Variants in LRRTM4 observed in about 807,000 individuals in gnomAD.
The protein encoded by LRRTM4 is leucine-rich repeat transmembrane neuronal protein 4.
Under a neutral mutation model 47.6 loss-of-function variants are expected in LRRTM4, and 25 were observed. That is an observed-to-expected ratio of 0.53 (90% CI 0.38 to 0.73). The LOEUF is 0.73. Ranked by LOEUF, LRRTM4 falls within the 30% of genes least tolerant of loss-of-function variation. The pLI is 0.00. For missense variants in LRRTM4, 638 were observed against 713.4 expected (o/e 0.89, Z 1.20); for synonymous variants, 311 against 269.5 (o/e 1.15, Z -1.51).
In LRRTM4 at chr2:77,206,170, C is replaced by G. The variant is rs562281204; in HGVS notation, c.1551+312148G>C. Among the ~76,000 whole-genome samples the G allele has an allele frequency of 5.6e-5, 8 of 143,144 alleles. No homozygotes were observed. The South Asian group carries it at 1.8e-3, about 32-fold the overall frequency. The allele number at this position is 143,144 out of a possible 152,430, so 93.9% of individuals were successfully genotyped here. On this transcript the variant is annotated intron_variant, in intron 3 of 3. Transcript: ENST00000409884. ...CTTCTTTGCCAATACACTGTAATTT[C>G]AAAATTCTATTTTTTTTTTTTTTTT...
At chr2:76,936,442 G>C (rs566932506) in intron 3 of LRRTM4, among the ~76,000 whole-genome samples, 6 of 151,804 alleles carry the variant, frequency 4.0e-5, no homozygotes, top group African/African-American at 1.5e-4. Context: ...TGTTGAGGGT[G>C]GGGGGTTAGG....
intron 3 of LRRTM4, among the ~76,000 whole-genome samples, chr2:77,315,550 A>G (rs1414224304): frequency 6.6e-6 from 1 of 152,194 alleles, no homozygotes; most frequent in African/African-American, 2.4e-5. Context: ...AATTATGAGC[A>G]TTAATTTATT....
intron 3 of LRRTM4, among the ~76,000 whole-genome samples, chr2:76,798,387 G>A (rs1675471844): frequency 6.6e-6 from 1 of 151,764 alleles, no homozygotes; most frequent in East Asian, 1.9e-4. Flanking sequence ...AAATAAGGAT[G>A]TTCTTTGAAA....
chr2:76,772,251 G>A (rs1673744521), intron 3 of LRRTM4, among the ~76,000 whole-genome samples: 1 of 152,108 alleles, frequency 6.6e-6, no homozygotes, highest in African/African-American at 2.4e-5. Flanking sequence ...TGAACCAAGA[G>A]GGAGGACATC....
Position 77,519,451 on chromosome 2 carries a change from G to T in LRRTM4, c.418C>A (p.Leu140Ile), listed in dbSNP as rs745331273. The change falls in exon 3 of 4, where the codon CTC becomes ATC. Residue 140 changes from leucine (L) to isoleucine (I), a missense_variant. Transcript: ENST00000409884. The surrounding 1 kb of genome is among the most constrained non-coding windows in gnomAD (Gnocchi z 4.6). ...HPVPNLRNLDLSYNKLQTLQS... is the reference protein window; with the variant it reads ...HPVPNLRNLDISYNKLQTLQS... ...AATGTCTGAAGCTTATTGTAGGAGA[G>T]GTCCAGATTGCGGAGATTGGGAACT... The T allele has an allele frequency of 1.9e-6, 3 of 1,613,450 alleles. No individual in the cohort carries two copies. The highest frequency in any genetic ancestry group is 2.5e-6 in the Non-Finnish European group (3 of 1,179,644).
chr2:76,796,912 AG>A (rs1208976237), intron 3 of LRRTM4, among the ~76,000 whole-genome samples: 1 of 152,132 alleles, frequency 6.6e-6, no homozygotes, highest in African/African-American at 2.4e-5. Context: ...GGAAGTTTAG[AG>A]AAAAAAGAAT....
At chr2:77,349,870 T>C (rs1036819173) in intron 3 of LRRTM4, among the ~76,000 whole-genome samples, 15 of 152,140 alleles carry the variant, frequency 9.9e-5, no homozygotes, top group Admixed American at 9.8e-4. Context: ...GCTAGCTAGT[T>C]AGCTAGCTAG....
chr2:77,500,518 T>C lies in LRRTM4; in HGVS notation c.1551+17800A>G, dbSNP rs116227404. 6.7e-3 allele frequency among the ~76,000 whole-genome samples: 1,014 copies of C among 151,778 alleles called. 9 individuals carry two copies. The highest frequency in any genetic ancestry group is 0.023 in the African/African-American group (958 of 41,494). On this transcript the variant is annotated intron_variant, in intron 3 of 3. Coordinates refer to ENST00000409884, the MANE Select transcript of LRRTM4 (RefSeq NM_001134745.3). ...AAAAGAAAACTTATCATATTCATAT[T>C]AGAAACAAAAATCATAAAATAATCT... is the stretch of plus-strand genomic sequence containing the variant.
rs1671668394 is a variant in LRRTM4 at position 76,841,282 on chromosome 2, G to C, written c.1552-92366C>G. Among the ~76,000 whole-genome samples, 3 of 151,092 alleles carry C rather than the reference G, an allele frequency of 2.0e-5. 1 individual carries two copies. The highest frequency in any genetic ancestry group is 2.0e-4 in the Admixed American group (3 of 15,164). Reference sequence around the variant, plus strand: ...ACACTCTGGGGACTGTTGTGGGGTGGGGGGAGTGGGGAGGGATAGTATTAG... The same window carrying C: ...ACACTCTGGGGACTGTTGTGGGGTGCGGGGAGTGGGGAGGGATAGTATTAG... On this transcript the variant is annotated intron_variant, in intron 3 of 3. Transcript: ENST00000409884.
At chr2:77,033,237 C>T (rs953861929) in intron 3 of LRRTM4, among the ~76,000 whole-genome samples, 9 of 151,850 alleles carry the variant, frequency 5.9e-5, no homozygotes, top group African/African-American at 2.2e-4. Flanking sequence ...AGATCATTGT[C>T]ACATGCATTT....
At chr2:76,930,366 A>G (rs932252212) in intron 3 of LRRTM4, among the ~76,000 whole-genome samples, 2 of 152,298 alleles carry the variant, frequency 1.3e-5, no homozygotes, top group East Asian at 3.9e-4. Context: ...TATGGTTAAT[A>G]TCCATCAGCA....
chr2:77,379,299 T>C (rs1440555403), intron 3 of LRRTM4, among the ~76,000 whole-genome samples: 1 of 152,150 alleles, frequency 6.6e-6, no homozygotes, highest in Non-Finnish European at 1.5e-5. Context: ...TCCCCCGCTA[T>C]CTTTTCACTG....
chr2:77,420,109 T>G (rs1178854889), intron 3 of LRRTM4, among the ~76,000 whole-genome samples: 3 of 152,194 alleles, frequency 2.0e-5, no homozygotes, highest in African/African-American at 7.2e-5. Context: ...CTCACTCACA[T>G]CATTGTTGGC....
intron 3 of LRRTM4, among the ~76,000 whole-genome samples, chr2:77,404,572 G>A (rs1674101123): frequency 1.3e-5 from 2 of 152,058 alleles, no homozygotes; most frequent in Non-Finnish European, 2.9e-5. Flanking sequence ...ACAGGAAAAT[G>A]CTGGGATAAT....
At chr2:76,983,875 G>A (rs1054431475) in intron 3 of LRRTM4, among the ~76,000 whole-genome samples, 6 of 151,924 alleles carry the variant, frequency 3.9e-5, no homozygotes, top group African/African-American at 1.2e-4. Flanking sequence ...TAATCAAATC[G>A]GTGATACTGG....
chr2:76,895,382 T>C (rs981862518), intron 3 of LRRTM4, among the ~76,000 whole-genome samples: 4 of 152,060 alleles, frequency 2.6e-5, no homozygotes, highest in Non-Finnish European at 5.9e-5. Flanking sequence ...GCCTCATCCA[T>C]GTCTGTGTAG....
At chr2:76,909,699 C>T (rs1309858547) in intron 3 of LRRTM4, among the ~76,000 whole-genome samples, 1 of 152,132 alleles carries the variant, frequency 6.6e-6, no homozygotes, top group African/African-American at 2.4e-5. Context: ...TGAACAGACA[C>T]TTCTCAAAAG....
At chr2:77,309,991 T>C (rs1381712159) in intron 3 of LRRTM4, among the ~76,000 whole-genome samples, 1 of 152,166 alleles carries the variant, frequency 6.6e-6, no homozygotes, top group Non-Finnish European at 1.5e-5. Flanking sequence ...TGAGCAGTTG[T>C]GACAGAGACT....
chr2:76,766,023 C>T (rs1673440556), intron 3 of LRRTM4, among the ~76,000 whole-genome samples: 1 of 152,142 alleles, frequency 6.6e-6, no homozygotes, highest in Non-Finnish European at 1.5e-5. Context: ...AATTTATAGA[C>T]TCTGGACTGA....
Sources: allele counts gnomAD v4.1 joint callset (sites outside exome capture counted in the v4.1 genomes callset), GRCh38; gene constraint gnomAD v4.1.1; non-coding constraint Gnocchi (gnomAD v3.1); transcripts MANE v1.5; gene names NCBI Gene and HGNC (gene_info 2026-07-23, HGNC 2026-07-21).